The following DEUP1 variants were observed in gnomAD, a reference collection of about 807,000 sequenced individuals.
DEUP1 encodes the protein coiled-coil domain containing 67.
Under a neutral mutation model 87.4 loss-of-function variants are expected in DEUP1, and 82 were observed. That is an observed-to-expected ratio of 0.94 (90% CI 0.78 to 1.13). The LOEUF is 1.13. Ranked by LOEUF, DEUP1 falls within the 50% of genes most tolerant of loss-of-function variation. DEUP1 has a pLI of 0.00. For synonymous variants in DEUP1, 214 were observed against 222.7 expected (o/e 0.96, Z 0.35); for missense variants, 663 against 681.5 (o/e 0.97, Z 0.30).
At chr11:93,414,778 G>A (rs977851719) in intron 12 of DEUP1, among the ~76,000 whole-genome samples, 1 of 152,116 alleles carries the variant, frequency 6.6e-6, no homozygotes, top group Admixed American at 6.5e-5. Context: ...ATTTTTAACA[G>A]TTGTTAAGTT....
chr11:93,370,419 G>T (rs897588013), intron 6 of DEUP1, among the ~76,000 whole-genome samples: 1 of 152,180 alleles, frequency 6.6e-6, no homozygotes, highest in African/African-American at 2.4e-5. Context: ...TCATTAAATA[G>T]CATATGTTTT....
At chr11:93,339,558 A>G (rs914091530) in intron 2 of DEUP1, among the ~76,000 whole-genome samples, 4 of 152,254 alleles carry the variant, frequency 2.6e-5, no homozygotes, top group African/African-American at 9.6e-5. Context: ...CTATCCATTT[A>G]TATTAGAAAC....
intron 5 of DEUP1, among the ~76,000 whole-genome samples, chr11:93,368,667 T>C (rs1236287592): frequency 6.6e-6 from 1 of 152,216 alleles, no homozygotes; most frequent in Non-Finnish European, 1.5e-5. Flanking sequence ...CTGGGCGCAG[T>C]GGCTCACGCC....
At chr11:93,414,462 G>A (rs571105205) in intron 12 of DEUP1, among the ~76,000 whole-genome samples, 1 of 151,996 alleles carries the variant, frequency 6.6e-6, no homozygotes, top group African/African-American at 2.4e-5. Flanking sequence ...AGCTGCGATC[G>A]CGCCACTGCA....
intron 2 of DEUP1, among the ~76,000 whole-genome samples, chr11:93,343,218 A>G (rs1311038531): frequency 2.0e-5 from 3 of 152,230 alleles, no homozygotes; most frequent in Non-Finnish European, 4.4e-5. Flanking sequence ...GATTTTATCA[A>G]TGTGTGCCTA....
chr11:93,376,582 C>T (rs1160637526), intron 7 of DEUP1, among the ~76,000 whole-genome samples: 1 of 151,972 alleles, frequency 6.6e-6, no homozygotes, highest in Non-Finnish European at 1.5e-5. Flanking sequence ...CTTTTTGTTT[C>T]ATTATCTGTT....
intron 13 of DEUP1, among the ~76,000 whole-genome samples, chr11:93,427,012 G>GAAAAAAAAAAAAAAAAAA (rs1215051153): frequency 1.7e-4 from 2 of 11,844 alleles, no homozygotes; most frequent in Non-Finnish European, 2.7e-4. Context: ...AAAAAAAAAA[G>GAAAAAAAAAAAAAAAAAA]AAAAAAAAAA....
At chr11:93,410,832 G>A (rs1947415059) in intron 12 of DEUP1, among the ~76,000 whole-genome samples, 1 of 152,158 alleles carries the variant, frequency 6.6e-6, no homozygotes, top group African/African-American at 2.4e-5. Flanking sequence ...CAAGACAGTA[G>A]GGGACACAAA....
At chr11:93,428,641 T>A (rs934658833) in intron 13 of DEUP1, among the ~76,000 whole-genome samples, 1 of 152,112 alleles carries the variant, frequency 6.6e-6, no homozygotes, top group African/African-American at 2.4e-5. Context: ...CATCACATGT[T>A]TTAAGTGTAC....
chr11:93,431,997 T>C (rs1340450492), intron 13 of DEUP1, among the ~76,000 whole-genome samples: 1 of 152,176 alleles, frequency 6.6e-6, no homozygotes, highest in Non-Finnish European at 1.5e-5. Flanking sequence ...CAATAGGATA[T>C]GTGAATCTGA....
In DEUP1 at chr11:93,371,150, A is replaced by G. The variant is rs1292880716; in HGVS notation, c.659A>G (p.Asn220Ser). 5.0e-6 allele frequency: 8 copies of G among 1,613,304 alleles called. No homozygotes were observed. Among genetic ancestry groups the G allele is most frequent in the South Asian group, 2.2e-5 (2 of 90,946 alleles). Residue 220 changes from asparagine (N) to serine (S), a missense_variant, in exon 7 of 14, where the codon AAT becomes AGT. Transcript: ENST00000298050. ...ICDPDPNCEI[N>S]ERDEFIIEKL... ...GACCCAGATCCCAATTGTGAAATCA[A>G]TGAAAGAGATGAGTTCATTATTGAA...
chr11:93,359,620 A>C (rs527861517), intron 4 of DEUP1, among the ~76,000 whole-genome samples: 9 of 152,140 alleles, frequency 5.9e-5, no homozygotes, highest in Non-Finnish European at 1.3e-4. Context: ...CAGTTATGCC[A>C]ATGGGTGCAA....
At chr11:93,402,189 C>T (rs1035503732) in intron 11 of DEUP1, among the ~76,000 whole-genome samples, 1 of 151,434 alleles carries the variant, frequency 6.6e-6, no homozygotes, top group East Asian at 1.9e-4. Flanking sequence ...TTAATAATGG[C>T]CAAAAGATCT....
chr11:93,355,334 T>A, intron 2 of DEUP1, 37 bp from the exon 3 acceptor site: 3 of 1,593,020 alleles, frequency 1.9e-6, no homozygotes, highest in Non-Finnish European at 2.6e-6. Flanking sequence ...CACATTTCAC[T>A]ACTTTAAAAT....
At chr11:93,335,246 A>G (rs1474000882) in intron 2 of DEUP1, among the ~76,000 whole-genome samples, 1 of 146,154 alleles carries the variant, frequency 6.8e-6, no homozygotes, top group Non-Finnish European at 1.5e-5. Context: ...TGTCATAGTC[A>G]TAGGATATGG....
chr11:93,345,621 C>A (rs868251052), intron 2 of DEUP1, among the ~76,000 whole-genome samples: 51 of 152,142 alleles, frequency 3.4e-4, no homozygotes, highest in African/African-American at 1.1e-3. Context: ...TAATGTTGAG[C>A]CTTTTTTCAT....
At chr11:93,370,021 C>A in intron 5 of DEUP1, 52 bp from the exon 6 acceptor site, 1 of 890,668 alleles carries the variant, frequency 1.1e-6, no homozygotes, top group Non-Finnish European at 1.8e-6. Flanking sequence ...ATTTGCTGTA[C>A]TTTAAAATGA....
chr11:93,357,142 T>G (rs916562361), intron 4 of DEUP1, 99 bp downstream of exon 4: 2 of 701,986 alleles, frequency 2.8e-6, no homozygotes, highest in African/African-American at 3.6e-5. Flanking sequence ...TATAAACAAA[T>G]GTCTTGTATT....
intron 12 of DEUP1, among the ~76,000 whole-genome samples, chr11:93,409,259 G>A (rs1401669157): frequency 2.0e-5 from 3 of 152,170 alleles, no homozygotes; most frequent in African/African-American, 7.2e-5. Context: ...TCCAAATGAA[G>A]AGAAGTGTAT....
Sources: gnomAD v4.1 joint callset for allele counts (sites outside exome capture counted in the v4.1 genomes callset) on GRCh38, gnomAD v4.1.1 for gene constraint, MANE v1.5 for transcripts, NCBI Gene and HGNC (gene_info 2026-07-23, HGNC 2026-07-21) for gene names.